The following GMDS variants were observed in gnomAD, a reference collection of about 807,000 sequenced individuals.
The protein encoded by GMDS is GDP-mannose 4,6 dehydratase.
In GMDS, 20 loss-of-function variants were observed where a neutral mutation model predicts 49.9. The ratio of observed to expected loss-of-function variants is 0.40; its 90% CI spans 0.28 to 0.58. The LOEUF (loss-of-function observed/expected upper bound fraction) is 0.58. Ranked by LOEUF, GMDS falls within the 20% of genes least tolerant of loss-of-function variation. The pLI is 0.42. For missense variants in GMDS, 362 were observed against 481.4 expected (o/e 0.75, Z 2.32); for synonymous variants, 177 against 178.6 (o/e 0.99, Z 0.07).
At chr6:2,136,847 G>A (rs866109940) in intron 1 of GMDS, among the ~76,000 whole-genome samples, 1 of 148,646 alleles carries the variant, frequency 6.7e-6, no homozygotes, top group Admixed American at 6.8e-5. Flanking sequence ...AGACTGCAGT[G>A]AACTATGACC....
chr6:1,959,393 A>G (rs1763815422), intron 6 of GMDS, among the ~76,000 whole-genome samples: 1 of 152,236 alleles, frequency 6.6e-6, no homozygotes, highest in African/African-American at 2.4e-5. Context: ...ATTTTAAAAT[A>G]ATTTAGAAGC....
rs903637134 is a variant in GMDS, at chr6:2,070,409, A to G, written c.345+45362T>C. Among the ~76,000 whole-genome samples the G allele has an allele frequency of 3.3e-5, 5 of 152,244 alleles. No individual in the cohort carries two copies. In the East Asian group the frequency reaches 7.7e-4, roughly 23 times the overall value. ...ATTGTGCACATGTACCGTAAAACCT[A>G]AAGTATAATAATAATAAAAAAAAGA... On this transcript the variant is annotated intron_variant, in intron 4 of 10. Transcript: ENST00000380815.
intron 4 of GMDS, among the ~76,000 whole-genome samples, chr6:2,042,846 G>C (rs745843614): frequency 6.6e-6 from 1 of 152,120 alleles, no homozygotes; most frequent in East Asian, 1.9e-4. Context: ...ACTCGGACTC[G>C]TTTCCTTAAA....
rs528855132 is a variant in GMDS, at chr6:1,868,245, A to G, written c.771+61858T>C. ...TGTGACCTGCCTGCCTCGGCCTCCC[A>G]AAGTGCTGGGATTACAGGCGTGATC... On this transcript the variant is annotated intron_variant, in intron 7 of 10. Coordinates refer to ENST00000380815, the MANE Select transcript of GMDS (RefSeq NM_001500.4). Among the ~76,000 whole-genome samples the G allele has an allele frequency of 4.6e-5, 7 of 152,216 alleles. No homozygotes were observed. In the East Asian group the frequency reaches 1.4e-3, roughly 29 times the overall value.
intron 9 of GMDS, among the ~76,000 whole-genome samples, chr6:1,683,359 G>T (rs576086231): frequency 6.6e-6 from 1 of 152,178 alleles, no homozygotes; most frequent in Non-Finnish European, 1.5e-5. Flanking sequence ...TCCTGACCTC[G>T]TGATTTGTCC....
At chr6:1,847,716 C>A (rs1216152143) in intron 7 of GMDS, among the ~76,000 whole-genome samples, 1 of 152,194 alleles carries the variant, frequency 6.6e-6, no homozygotes, top group Non-Finnish European at 1.5e-5. Flanking sequence ...GGAAGGTTTA[C>A]AACCTTGGAG....
intron 9 of GMDS, among the ~76,000 whole-genome samples, chr6:1,696,526 A>G (rs1263158194): frequency 2.0e-5 from 3 of 152,244 alleles, no homozygotes; most frequent in Non-Finnish European, 4.4e-5. Context: ...AAGGTTTAAC[A>G]CATATATGCT....
At chr6:1,908,153 C>T (rs761302688) in intron 7 of GMDS, among the ~76,000 whole-genome samples, 31 of 152,126 alleles carry the variant, frequency 2.0e-4, no homozygotes, top group Non-Finnish European at 4.0e-4. Context: ...TGGGGAACAT[C>T]GACAGTGGGG....
chr6:2,025,639 G>T (rs1044867680), intron 4 of GMDS, among the ~76,000 whole-genome samples: 1 of 151,912 alleles, frequency 6.6e-6, no homozygotes, highest in African/African-American at 2.4e-5. Context: ...GTAATAAAAA[G>T]AAAGTATTTC....
In GMDS at chr6:1,763,693, G is replaced by A. The variant is rs1768242799; in HGVS notation, c.772-21107C>T. 3.9e-5 allele frequency among the ~76,000 whole-genome samples: 6 copies of A among 152,308 alleles called. No homozygotes were observed. The South Asian group carries it at 1.2e-3, about 32-fold the overall frequency. ...GTAAAATGGATTTCCGGTTTGCCCA[G>A]GGGGAACAATGGGACATCCCAGTCA... On this transcript the variant is annotated intron_variant, in intron 7 of 10. Coordinates refer to ENST00000380815, the MANE Select transcript of GMDS (RefSeq NM_001500.4).
At chr6:1,847,081 C>T (rs914013860) in intron 7 of GMDS, among the ~76,000 whole-genome samples, 2 of 152,068 alleles carry the variant, frequency 1.3e-5, no homozygotes, top group African/African-American at 4.8e-5. Flanking sequence ...AAATAAAAGA[C>T]GGTCTTGCTC....
At chr6:1,703,605 C>T (rs922557449) in intron 9 of GMDS, among the ~76,000 whole-genome samples, 6 of 152,212 alleles carry the variant, frequency 3.9e-5, no homozygotes, top group South Asian at 4.1e-4. Flanking sequence ...TGGGGCAGCA[C>T]GCTGGCCACT....
intron 7 of GMDS, among the ~76,000 whole-genome samples, chr6:1,893,627 T>A (rs1398543180): frequency 6.6e-6 from 1 of 152,214 alleles, no homozygotes; most frequent in Non-Finnish European, 1.5e-5. Context: ...GCTGAAGTCA[T>A]TTCCAGAGCT....
At chr6:1,668,917 G>A (rs1764321643) in intron 9 of GMDS, among the ~76,000 whole-genome samples, 1 of 152,222 alleles carries the variant, frequency 6.6e-6, no homozygotes, top group Admixed American at 6.5e-5. Context: ...CAGCTCAGGA[G>A]AACAGAGCCA....
chr6:1,884,559 C>G (rs779521922), intron 7 of GMDS, among the ~76,000 whole-genome samples: 1 of 152,204 alleles, frequency 6.6e-6, no homozygotes, highest in Non-Finnish European at 1.5e-5. Flanking sequence ...GCTAACATAA[C>G]ACAGTCCACA....
intron 7 of GMDS, among the ~76,000 whole-genome samples, chr6:1,885,935 C>G (rs146825153): frequency 1.3e-5 from 2 of 152,220 alleles, no homozygotes; most frequent in East Asian, 3.9e-4. Context: ...GTTCCCAGAC[C>G]GCTCTGATTA....
At chr6:1,653,749 G>A (rs77285302) in intron 9 of GMDS, among the ~76,000 whole-genome samples, 1 of 152,292 alleles carries the variant, frequency 6.6e-6, no homozygotes, top group African/African-American at 2.4e-5. Context: ...ATATCCACAT[G>A]CGAAAGAACA....
chr6:1,829,252 T>A (rs1200026029), intron 7 of GMDS, among the ~76,000 whole-genome samples: 2 of 152,214 alleles, frequency 1.3e-5, no homozygotes, highest in Non-Finnish European at 2.9e-5. Context: ...TAACTGTGTA[T>A]CTATATTTCT....
At chr6:1,670,138 C>T (rs1764371364) in intron 9 of GMDS, among the ~76,000 whole-genome samples, 1 of 151,964 alleles carries the variant, frequency 6.6e-6, no homozygotes, top group South Asian at 2.1e-4. Context: ...GCACGTGCAC[C>T]GCACTGCCCC....
Sources: allele counts gnomAD v4.1 joint callset (sites outside exome capture counted in the v4.1 genomes callset), GRCh38; gene constraint gnomAD v4.1.1; transcripts MANE v1.5; gene names NCBI Gene and HGNC (gene_info 2026-07-23, HGNC 2026-07-21).